SPIDR: variants seen among roughly 807,000 people sequenced by gnomAD.
SPIDR encodes the protein scaffold protein involved in DNA repair.
Under a neutral mutation model 104.6 loss-of-function variants are expected in SPIDR, and 93 were observed. That is an observed-to-expected ratio of 0.89 (90% confidence interval 0.75 to 1.06). The LOEUF (loss-of-function observed/expected upper bound fraction) is 1.06, where lower values mean the gene tolerates loss of function less well. SPIDR is among the 50% of genes least tolerant of loss of function. The probability of loss-of-function intolerance (pLI) is 0.00; values close to 1 mark genes in which losing one functional copy is unlikely to be tolerated. For missense variants in SPIDR, 1,154 were observed against 1,111.2 expected (o/e 1.04, Z -0.55); for synonymous variants, 431 against 416.9 (o/e 1.03, Z -0.41).
intron 8 of SPIDR, among the ~76,000 whole-genome samples, chr8:47,495,792 TTTC>T (rs1409471263): frequency 3.3e-5 from 5 of 152,280 alleles, no homozygotes; most frequent in African/African-American, 4.8e-5. Flanking sequence ...AAAATATAAC[TTTC>T]TTCTTCTTCA....
At chr8:47,562,946 T>C (rs1374514760) in intron 8 of SPIDR, among the ~76,000 whole-genome samples, 1 of 152,136 alleles carries the variant, frequency 6.6e-6, no homozygotes, top group Non-Finnish European at 1.5e-5. Context: ...TTCTTAACTC[T>C]GTTTTGATGT....
At chr8:47,629,107 G>C (rs2066652416) in intron 10 of SPIDR, among the ~76,000 whole-genome samples, 1 of 152,148 alleles carries the variant, frequency 6.6e-6, no homozygotes, top group East Asian at 1.9e-4. Context: ...ATGACTTAAG[G>C]AAAAGTTTCG....
In SPIDR at chr8:47,701,872, C is replaced by G. The variant is rs1000927037; in HGVS notation, c.1917+8C>G. 3 of 1,614,000 alleles carry G rather than the reference C, an allele frequency of 1.9e-6. No homozygotes were observed. The highest frequency in any genetic ancestry group is 3.3e-5 in the Admixed American group (2 of 59,996). On this transcript the variant is annotated splice_region_variant and intron_variant, in intron 13 of 19. Transcript: ENST00000297423. ...TTAAGAGACATTCTCCAGGTAATGT[C>G]TTTGTTTCTAACAGGTTTTTTAGGT...
At chr8:47,734,851 T>A (rs1040538995) in intron 19 of SPIDR, among the ~76,000 whole-genome samples, 4 of 152,140 alleles carry the variant, frequency 2.6e-5, no homozygotes, top group African/African-American at 9.7e-5. Flanking sequence ...TAGCCCAGTA[T>A]AACTCTAGAA....
chr8:47,481,588 C>T (rs1015403778), intron 8 of SPIDR, among the ~76,000 whole-genome samples: 1 of 152,198 alleles, frequency 6.6e-6, no homozygotes, highest in East Asian at 1.9e-4. Context: ...CAGGGCACTG[C>T]CTGTTTTGCT....
intron 5 of SPIDR, among the ~76,000 whole-genome samples, chr8:47,380,929 C>G (rs782327734): frequency 2.6e-5 from 4 of 152,076 alleles, no homozygotes; most frequent in Admixed American, 1.3e-4. Context: ...GTGGCTTAAG[C>G]CTTTCTATTG....
At chr8:47,410,794 T>G (rs923222847) in intron 7 of SPIDR, among the ~76,000 whole-genome samples, 1 of 152,146 alleles carries the variant, frequency 6.6e-6, no homozygotes, top group Non-Finnish European at 1.5e-5. Context: ...TATCTCCTAA[T>G]GTTATCCCTC....
intron 5 of SPIDR, among the ~76,000 whole-genome samples, chr8:47,356,013 C>G (rs79977698): frequency 9.3e-4 from 142 of 152,206 alleles, no homozygotes; most frequent in African/African-American, 3.3e-3. Context: ...CCCAAATAGG[C>G]TGCAGGTTCC....
In SPIDR at chr8:47,340,991, A is replaced by G. The variant is rs116714079; in HGVS notation, c.525+46961A>G. Among the ~76,000 whole-genome samples the G allele has an allele frequency of 2.8e-3, 430 of 152,302 alleles. 3 individuals are homozygous for G. The highest frequency in any genetic ancestry group is 9.1e-3 in the African/African-American group (377 of 41,566). On this transcript the variant is annotated intron_variant, in intron 5 of 19. Transcript: ENST00000297423. ...AAGTGTAGCACTTTTCCTGAGTTCT[A>G]TGAGTTGTAGTGAATTATTAAACCT...
chr8:47,337,538 G>A (rs1245886652), intron 5 of SPIDR, among the ~76,000 whole-genome samples: 1 of 151,090 alleles, frequency 6.6e-6, no homozygotes, highest in Non-Finnish European at 1.5e-5. Flanking sequence ...CCCATCATTG[G>A]GTTTTATTTT....
At chr8:47,630,546 A>G (rs1205606597) in intron 10 of SPIDR, among the ~76,000 whole-genome samples, 1 of 152,182 alleles carries the variant, frequency 6.6e-6, no homozygotes, top group Non-Finnish European at 1.5e-5. Flanking sequence ...TTCCATTGCT[A>G]TAAATACTAC....
intron 14 of SPIDR, among the ~76,000 whole-genome samples, chr8:47,703,368 G>T (rs1313199430): frequency 1.3e-5 from 2 of 152,320 alleles, no homozygotes; most frequent in Admixed American, 6.5e-5. Context: ...TTGATGAATT[G>T]CATATATACG....
chr8:47,401,770 A>T (rs1367110736), intron 6 of SPIDR, among the ~76,000 whole-genome samples: 5 of 152,252 alleles, frequency 3.3e-5, no homozygotes, highest in Non-Finnish European at 7.3e-5. Flanking sequence ...GATCAATTCA[A>T]CAAGAAGAGC....
intron 10 of SPIDR, among the ~76,000 whole-genome samples, chr8:47,649,218 T>C (rs931024382): frequency 4.0e-5 from 6 of 151,666 alleles, no homozygotes; most frequent in African/African-American, 1.5e-4. Context: ...ATACCCACTA[T>C]ACTCTAGCCT....
At chr8:47,426,978 G>T (rs2066511825) in intron 7 of SPIDR, among the ~76,000 whole-genome samples, 1 of 152,088 alleles carries the variant, frequency 6.6e-6, no homozygotes, top group Non-Finnish European at 1.5e-5. Context: ...TTAGAAGAGA[G>T]AAAGAAACAA....
At chr8:47,302,346 CTCG>C (rs2042240304) in intron 5 of SPIDR, among the ~76,000 whole-genome samples, 5 of 101,578 alleles carry the variant, frequency 4.9e-5, no homozygotes, top group Middle Eastern at 5.0e-3. Flanking sequence ...AGCCATTTGT[CTCG>C]TTTTTTTCCA....
At chr8:47,297,221 G>T (rs1343008074) in intron 5 of SPIDR, among the ~76,000 whole-genome samples, 7 of 151,880 alleles carry the variant, frequency 4.6e-5, no homozygotes, top group African/African-American at 1.5e-4. Context: ...TTGCCTAATC[G>T]CTCTTGCCAG....
At chr8:47,353,903 C>T (rs2054024639) in intron 5 of SPIDR, among the ~76,000 whole-genome samples, 1 of 151,956 alleles carries the variant, frequency 6.6e-6, no homozygotes, top group African/African-American at 2.4e-5. Context: ...TTAGGTGGGT[C>T]TGGGAAATCA....
At chr8:47,363,597 G>A (rs1330028750) in intron 5 of SPIDR, among the ~76,000 whole-genome samples, 4 of 151,932 alleles carry the variant, frequency 2.6e-5, no homozygotes, top group Non-Finnish European at 4.4e-5. Context: ...GTGATCTCTG[G>A]GGAGGAAGCT....
Sources: gnomAD v4.1 joint callset for allele counts (sites outside exome capture counted in the v4.1 genomes callset) on GRCh38, gnomAD v4.1.1 for gene constraint, MANE v1.5 for transcripts, NCBI Gene and HGNC (gene_info 2026-07-23, HGNC 2026-07-21) for gene names.